MGST1: variants seen among roughly 807,000 people sequenced by gnomAD.
MGST1 encodes microsomal glutathione S-transferase 1.
Under a neutral mutation model 8.9 loss-of-function variants are expected in MGST1, and 5 were observed. The ratio of observed to expected loss-of-function variants is 0.56; its 90% CI spans 0.29 to 1.19. The LOEUF is 1.19. MGST1 is among the 50% of genes most tolerant of loss of function. The probability of loss-of-function intolerance (pLI) is 0.08; values close to 1 mark genes in which losing one functional copy is unlikely to be tolerated. For synonymous variants in MGST1, 54 were observed against 67.8 expected, an observed-to-expected ratio of 0.80 and a Z score of 1.00; for missense variants, 182 against 187.4, an observed-to-expected ratio of 0.97 and a Z score of 0.17.
chr12:16,399,350 C>G, intron 1 of MGST1: 1 of 1,557,502 alleles, frequency 6.4e-7, no homozygotes, highest in Non-Finnish European at 8.9e-7. Context: ...AGCCATGGCC[C>G]AAACTGTGCA....
chr12:16,421,846 C>T (rs1940838866), intron 1 of MGST1, among the ~76,000 whole-genome samples: 1 of 152,064 alleles, frequency 6.6e-6, no homozygotes, highest in Non-Finnish European at 1.5e-5. Flanking sequence ...AATAACTGCC[C>T]CTTCCAGACT....
rs1215597313 is a variant in MGST1 at position 16,458,251 on chromosome 12, T to G, written n.482+74647T>G. On this transcript the variant is annotated intron_variant and non_coding_transcript_variant, in intron 4 of 4. Transcript: ENST00000538857. The surrounding 1 kb of genome is among the most constrained non-coding windows in gnomAD (Gnocchi z 4.0). ...ATAATATGAATGGACCCAAACTAAA[T>G]GACCACTCATTACAAGTTTCAATTT... Among the ~76,000 whole-genome samples the G allele has an allele frequency of 6.6e-6, 1 of 152,012 alleles. No individual in the cohort carries two copies. The highest frequency in any genetic ancestry group is 1.5e-5 in the Non-Finnish European group (1 of 67,966).
At chr12:16,419,461 A>G (rs1201338314) in intron 1 of MGST1, among the ~76,000 whole-genome samples, 3 of 152,124 alleles carry the variant, frequency 2.0e-5, no homozygotes, top group East Asian at 1.9e-4. Flanking sequence ...ATTATTTCCT[A>G]GAGAGATTCC....
intron 1 of MGST1, among the ~76,000 whole-genome samples, chr12:16,395,386 C>A (rs1226553509): frequency 2.6e-5 from 4 of 152,056 alleles, no homozygotes; most frequent in Admixed American, 1.3e-4. Context: ...AATGCAGTAT[C>A]TTAATTAAAA....
At chr12:16,456,643 TTAATC>T (rs1324430671) in intron 4 of MGST1, among the ~76,000 whole-genome samples, 5 of 151,918 alleles carry the variant, frequency 3.3e-5, no homozygotes, top group African/African-American at 1.2e-4. Context: ...CTCAGGAACA[TTAATC>T]TAATTCAGTA....
chr12:16,529,178 C>T (rs1302282990), intron 4 of MGST1, among the ~76,000 whole-genome samples: 1 of 151,910 alleles, frequency 6.6e-6, no homozygotes, highest in Non-Finnish European at 1.5e-5. Flanking sequence ...TTTTGTTTCT[C>T]TCTCGCTCAC....
intron 1 of MGST1, among the ~76,000 whole-genome samples, chr12:16,399,093 C>T (rs557324108): frequency 2.0e-5 from 3 of 152,270 alleles, no homozygotes; most frequent in Non-Finnish European, 2.9e-5. Context: ...GCCATTGGCA[C>T]GTGTCCTGGT....
At chr12:16,354,591 G>T in intron 2 of MGST1, 1 of 370,708 alleles carries the variant, frequency 2.7e-6, no homozygotes, top group Non-Finnish European at 4.8e-6. Flanking sequence ...TTTTCATTAT[G>T]GCTTTTACCT....
chr12:16,518,603 T>C (rs1941629073), intron 4 of MGST1, among the ~76,000 whole-genome samples: 1 of 152,208 alleles, frequency 6.6e-6, no homozygotes, highest in Non-Finnish European at 1.5e-5. Context: ...ACAAGGAGAC[T>C]ATCTGAAACA....
intron 1 of MGST1, among the ~76,000 whole-genome samples, chr12:16,394,503 T>C (rs1446359517): frequency 7.3e-6 from 1 of 137,898 alleles, no homozygotes; most frequent in East Asian, 2.4e-4. Context: ...TCTTTCTCTC[T>C]CTTTCTCTCC....
At chr12:16,536,082 A>T (rs202116506) in intron 4 of MGST1, among the ~76,000 whole-genome samples, 1 of 145,318 alleles carries the variant, frequency 6.9e-6, no homozygotes, top group African/African-American at 2.6e-5. Context: ...GGTGTGTGTG[A>T]GTGTGTGTGT....
At position 16,476,116 on chromosome 12, in the gene MGST1, TA is replaced by T. The variant is rs916300729; in HGVS notation, n.482+92519del. 4.2e-4 allele frequency among the ~76,000 whole-genome samples: 63 copies of T among 151,694 alleles called. 1 individual carries two copies. The highest frequency in any genetic ancestry group is 1.4e-3 in the Admixed American group (21 of 15,222). ...TAGGTAAGCAACTGCTGAAGGACAA[TA>T]AAAAAAGTGGAAAGGAGAATAACCA... On this transcript the variant is annotated intron_variant and non_coding_transcript_variant, in intron 4 of 4. Transcript: ENST00000538857.
At chr12:16,583,377 C>CTTT (rs1943226169) in intron 4 of MGST1, among the ~76,000 whole-genome samples, 1 of 151,936 alleles carries the variant, frequency 6.6e-6, no homozygotes, top group South Asian at 2.1e-4. Flanking sequence ...GATAAAGCAT[C>CTTT]TTTTTACAGA....
intron 1 of MGST1, among the ~76,000 whole-genome samples, chr12:16,426,085 T>G (rs891507990): frequency 6.6e-6 from 1 of 152,196 alleles, no homozygotes; most frequent in Non-Finnish European, 1.5e-5. Flanking sequence ...CCTAATAGAT[T>G]TGGCTTTCTA....
intron 3 of MGST1, among the ~76,000 whole-genome samples, chr12:16,374,651 T>C (rs1424490860): frequency 1.3e-5 from 2 of 152,296 alleles, no homozygotes; most frequent in African/African-American, 2.4e-5. Context: ...AACCAGGTTA[T>C]TTATTGAAGC....
intron 4 of MGST1, among the ~76,000 whole-genome samples, chr12:16,461,193 A>AG (rs1565459199): frequency 6.7e-6 from 1 of 149,794 alleles, no homozygotes; most frequent in Admixed American, 6.7e-5. Context: ...AAAAAAAAAA[A>AG]GCACATCATA....
chr12:16,531,570 A>G (rs1451130424), intron 4 of MGST1, among the ~76,000 whole-genome samples: 2 of 152,122 alleles, frequency 1.3e-5, no homozygotes, highest in Non-Finnish European at 2.9e-5. Flanking sequence ...GCAGTGAGCT[A>G]TTGTGCCACT....
chr12:16,379,067 T>C (rs1404859777), downstream of MGST1, among the ~76,000 whole-genome samples: 2 of 152,130 alleles, frequency 1.3e-5, no homozygotes, highest in Non-Finnish European at 2.9e-5. Flanking sequence ...TGGGGTTTTC[T>C]AGATATACAA....
chr12:16,451,810 A>G (rs1455201236), intron 4 of MGST1, among the ~76,000 whole-genome samples: 2 of 151,916 alleles, frequency 1.3e-5, no homozygotes, highest in Non-Finnish European at 2.9e-5. Flanking sequence ...ACATATTTCA[A>G]TAAGTAATCA....
Sources: gnomAD v4.1 joint callset for allele counts (sites outside exome capture counted in the v4.1 genomes callset) on GRCh38, gnomAD v4.1.1 for gene constraint, Gnocchi (gnomAD v3.1) non-coding constraint, MANE v1.5 for transcripts, NCBI Gene and HGNC (gene_info 2026-07-23, HGNC 2026-07-21) for gene names.